CADM1: variants seen among roughly 807,000 people sequenced by gnomAD.
CADM1 encodes the protein cell adhesion molecule 1.
CADM1 carries 15 observed loss-of-function variants against 53.1 expected under a neutral mutation model. The observed-to-expected ratio is 0.28, with a 90% CI of 0.19 to 0.44. The LOEUF (loss-of-function observed/expected upper bound fraction) is 0.44. Among genes scored for constraint, CADM1 ranks in the 20% least tolerant of loss-of-function variants. The pLI, the probability that CADM1 is intolerant of heterozygous loss-of-function variation, is 1.00. For synonymous variants in CADM1, 281 were observed against 243.0 expected, an observed-to-expected ratio of 1.16 and a Z score of -1.45; for missense variants, 434 against 611.3, an observed-to-expected ratio of 0.71 and a Z score of 3.06.
At chr11:115,452,753 G>A (rs1450547374) in intron 1 of CADM1, among the ~76,000 whole-genome samples, 1 of 152,168 alleles carries the variant, frequency 6.6e-6, no homozygotes, top group African/African-American at 2.4e-5. Flanking sequence ...CTGTGCATAT[G>A]TAATATTTTA....
intron 8 of CADM1, among the ~76,000 whole-genome samples, chr11:115,199,670 T>C (rs2134684449): frequency 6.6e-6 from 1 of 152,340 alleles, no homozygotes; most frequent in East Asian, 1.9e-4. Context: ...CTGGCCATAC[T>C]TTCATTTTGA....
chr11:115,274,009 GATCT>G (rs1467881724), intron 1 of CADM1, among the ~76,000 whole-genome samples: 1 of 152,184 alleles, frequency 6.6e-6, no homozygotes, highest in Non-Finnish European at 1.5e-5. Flanking sequence ...TGGGTTTCAA[GATCT>G]ATTTTCCTCC....
intron 1 of CADM1, among the ~76,000 whole-genome samples, chr11:115,299,704 A>T: frequency 6.6e-6 from 1 of 152,140 alleles, no homozygotes. Context: ...ATACATTCTT[A>T]AGAAGCAGAA....
chr11:115,490,908 G>A (rs990051522), intron 1 of CADM1, among the ~76,000 whole-genome samples: 2 of 152,120 alleles, frequency 1.3e-5, no homozygotes, highest in Non-Finnish European at 2.9e-5. Flanking sequence ...GTGACAGTGA[G>A]GATTAAATGA....
chr11:115,279,379 G>C (rs1341621000), intron 1 of CADM1, among the ~76,000 whole-genome samples: 3 of 152,142 alleles, frequency 2.0e-5, no homozygotes, highest in Non-Finnish European at 4.4e-5. Flanking sequence ...CCATGTAAGA[G>C]CAAAGTTTCA....
At chr11:115,362,930 T>A (rs1371838022) in intron 1 of CADM1, among the ~76,000 whole-genome samples, 1 of 152,166 alleles carries the variant, frequency 6.6e-6, no homozygotes, top group Non-Finnish European at 1.5e-5. Context: ...CTTCATTCAA[T>A]AGTCAAGCTC....
intron 1 of CADM1, among the ~76,000 whole-genome samples, chr11:115,324,424 A>G (rs1944906279): frequency 6.6e-6 from 1 of 152,170 alleles, no homozygotes. Context: ...CAAAATTGTG[A>G]GTAAGTCAGC....
intron 1 of CADM1, among the ~76,000 whole-genome samples, chr11:115,244,698 A>C (rs1044773152): frequency 6.6e-6 from 1 of 152,238 alleles, no homozygotes; most frequent in Non-Finnish European, 1.5e-5. Flanking sequence ...TCAGGCTTTG[A>C]TGCCAAGGTT....
chr11:115,312,910 G>A (rs1944567837), intron 1 of CADM1, among the ~76,000 whole-genome samples: 1 of 152,032 alleles, frequency 6.6e-6, no homozygotes. Context: ...ATGGCTGGGA[G>A]TATAATTTCT....
chr11:115,410,742 C>T (rs1947440697), intron 1 of CADM1, among the ~76,000 whole-genome samples: 1 of 152,130 alleles, frequency 6.6e-6, no homozygotes, highest in Admixed American at 6.6e-5. Flanking sequence ...TAACATGGAG[C>T]TTAACACATT....
At chr11:115,230,726 A>G (rs1002852225) in intron 4 of CADM1, among the ~76,000 whole-genome samples, 1 of 152,212 alleles carries the variant, frequency 6.6e-6, no homozygotes. Context: ...ACAAAATCAC[A>G]GCCTGCATAA....
rs776603083 is a variant in CADM1, at chr11:115,231,309, T to C, written c.562+44A>G. ...ATGATTTTCACAAAGGCATATCTGC[T>C]AGAATCAGCTAACTACTTCAGTGTG... On this transcript the variant is annotated intron_variant, in intron 4 of 11. Coordinates refer to ENST00000331581, the MANE Select transcript of CADM1 (RefSeq NM_001301043.2). 3 of 1,609,502 alleles carry C rather than the reference T, an allele frequency of 1.9e-6. No individual in the cohort carries two copies. In the South Asian group the frequency reaches 3.3e-5, roughly 18 times the overall value.
At chr11:115,251,397 T>C (rs977944213) in intron 1 of CADM1, among the ~76,000 whole-genome samples, 5 of 150,960 alleles carry the variant, frequency 3.3e-5, no homozygotes, top group African/African-American at 7.3e-5. Context: ...ACATCAGATA[T>C]GGACTCAGAG....
At chr11:115,295,550 A>ATATATTAT (rs371584699) in intron 1 of CADM1, among the ~76,000 whole-genome samples, 38 of 52,990 alleles carry the variant, frequency 7.2e-4, no homozygotes, top group African/African-American at 1.3e-3. Context: ...ATATATATAT[A>ATATATTAT]ATATATATGT....
intron 1 of CADM1, among the ~76,000 whole-genome samples, chr11:115,477,649 A>G (rs1484853331): frequency 1.3e-5 from 2 of 152,236 alleles, no homozygotes; most frequent in African/African-American, 4.8e-5. Context: ...CTAACAAACT[A>G]AGCTTATACA....
intron 1 of CADM1, among the ~76,000 whole-genome samples, chr11:115,298,306 G>A (rs1944132536): frequency 6.6e-6 from 1 of 152,202 alleles, no homozygotes; most frequent in Non-Finnish European, 1.5e-5. Context: ...AAGAAGCTAT[G>A]TGATTCACAG....
chr11:115,286,711 T>A (rs1943737965), intron 1 of CADM1, among the ~76,000 whole-genome samples: 2 of 152,178 alleles, frequency 1.3e-5, no homozygotes. Flanking sequence ...ATAGGGCCTG[T>A]CTTTACAGAA....
intron 1 of CADM1, among the ~76,000 whole-genome samples, chr11:115,368,108 GTCT>G (rs1293920746): frequency 3.5e-5 from 4 of 112,978 alleles, no homozygotes; most frequent in Admixed American, 1.9e-4. Context: ...TATCACTAGA[GTCT>G]TTTTTTTTTT....
At chr11:115,471,954 G>C (rs1949021913) in intron 1 of CADM1, among the ~76,000 whole-genome samples, 1 of 152,114 alleles carries the variant, frequency 6.6e-6, no homozygotes, top group Non-Finnish European at 1.5e-5. Context: ...ATCAAGGGAG[G>C]AAGAAGAGGG....
Sources: allele counts gnomAD v4.1 joint callset (sites outside exome capture counted in the v4.1 genomes callset), GRCh38; gene constraint gnomAD v4.1.1; transcripts MANE v1.5; gene names NCBI Gene and HGNC (gene_info 2026-07-23, HGNC 2026-07-21).